The following TRPM6 variants were observed in gnomAD, a reference collection of about 807,000 sequenced individuals.
TRPM6 encodes transient receptor potential cation channel subfamily M member 6.
In TRPM6, 111 loss-of-function variants were observed where a neutral mutation model predicts 247.6. The ratio of observed to expected loss-of-function variants is 0.45; its 90% CI spans 0.38 to 0.52. The LOEUF is 0.52. Among genes scored for constraint, TRPM6 ranks in the 20% least tolerant of loss-of-function variants. The pLI is 0.00. For synonymous variants in TRPM6, 892 were observed against 853.8 expected, an observed-to-expected ratio of 1.04 and a Z score of -0.78; for missense variants, 2,126 against 2,421.5, an observed-to-expected ratio of 0.88 and a Z score of 2.56.
intron 7 of TRPM6, among the ~76,000 whole-genome samples, chr9:74,827,364 C>T (rs1185362126): frequency 2.6e-5 from 4 of 152,220 alleles, no homozygotes; most frequent in African/African-American, 7.2e-5. Flanking sequence ...CTTCTGGCTT[C>T]GGGTTCCCTA....
At chr9:74,773,980 T>G (rs969647139) in intron 24 of TRPM6, among the ~76,000 whole-genome samples, 5 of 152,230 alleles carry the variant, frequency 3.3e-5, no homozygotes, top group African/African-American at 1.2e-4. Flanking sequence ...TGTCATGATG[T>G]GAACCTTATG....
At chr9:74,790,479 G>C (rs572149715) in intron 19 of TRPM6, among the ~76,000 whole-genome samples, 208 of 152,194 alleles carry the variant, frequency 1.4e-3, no homozygotes, top group African/African-American at 4.8e-3. Context: ...CCATTTGTCT[G>C]TATATATTTT....
chr9:74,812,292 T>C lies in TRPM6; in HGVS notation c.1443+7A>G, dbSNP rs758078000. ...GGGAAATGATTGATGAAATGTTCCA[T>C]ACTCACTGTATTGTAGAGCTCTTCC... On this transcript the variant is annotated splice_region_variant and intron_variant, in intron 12 of 38. Transcript: ENST00000360774. 7 of 1,613,448 alleles carry C rather than the reference T, an allele frequency of 4.3e-6. No individual in the cohort carries two copies. The African/African-American group carries it at 5.3e-5, about 12-fold the overall frequency.
At chr9:74,775,028 A>G (rs1178549114) in intron 24 of TRPM6, among the ~76,000 whole-genome samples, 2 of 152,192 alleles carry the variant, frequency 1.3e-5, no homozygotes, top group African/African-American at 4.8e-5. Flanking sequence ...CCTGGTACCA[A>G]TTGTGGAACT....
chr9:74,849,337 G>A (rs904588211), intron 3 of TRPM6, among the ~76,000 whole-genome samples: 1 of 132,934 alleles, frequency 7.5e-6, no homozygotes, highest in Non-Finnish European at 1.6e-5. Flanking sequence ...GGAAATAAGA[G>A]TGAAACTTCA....
At chr9:74,767,423 C>A (rs916591457) in intron 25 of TRPM6, among the ~76,000 whole-genome samples, 2 of 152,098 alleles carry the variant, frequency 1.3e-5, no homozygotes, top group Non-Finnish European at 2.9e-5. Context: ...TTTCCACTGT[C>A]GCAACTCACT....
chr9:74,775,138 A>T (rs1199916626), intron 24 of TRPM6, among the ~76,000 whole-genome samples: 1 of 152,182 alleles, frequency 6.6e-6, no homozygotes, highest in Non-Finnish European at 1.5e-5. Context: ...GCTAAACAAG[A>T]TGAATTAGGA....
chr9:74,786,313 A>T (rs761840032), intron 20 of TRPM6, among the ~76,000 whole-genome samples, 188 bp from the exon 21 acceptor site: 7 of 152,268 alleles, frequency 4.6e-5, no homozygotes, highest in Non-Finnish European at 7.3e-5. Context: ...TGCTATACAG[A>T]TATAATTTAA....
chr9:74,724,227 G>A lies in TRPM6; in HGVS notation c.*386C>T, dbSNP rs934620997. On this transcript the variant is annotated 3_prime_UTR_variant, in exon 39 of 39. Transcript: ENST00000360774. Reference sequence around the variant, plus strand: ...TGGGTGAGGTGACAAATAGTAGTAGGGGGTCCAGTCTGCATACATAGTGAG... The same window carrying A: ...TGGGTGAGGTGACAAATAGTAGTAGAGGGTCCAGTCTGCATACATAGTGAG... 1.5e-5 allele frequency: 4 copies of A among 270,440 alleles called. No homozygotes were observed. Among genetic ancestry groups the A allele is most frequent in the South Asian group, 4.6e-5 (1 of 21,684 alleles). The allele number at this position is 270,440 out of a possible 1,614,324, so 16.8% of individuals were successfully genotyped here.
chr9:74,878,448 C>T (rs73536162), intron 1 of TRPM6, among the ~76,000 whole-genome samples: 1 of 152,192 alleles, frequency 6.6e-6, no homozygotes, highest in Non-Finnish European at 1.5e-5. Flanking sequence ...CCATCCCCAG[C>T]AAAACCTCAC....
rs183748219 is a variant in TRPM6, at chr9:74,786,731, C to T, written c.2668-606G>A. Reference sequence around the variant, plus strand: ...CTCCAGCCTGGGTGACAGAGCGAGGCTCTGTCTCAAAATAAATAAACAAAT... The same window carrying T: ...CTCCAGCCTGGGTGACAGAGCGAGGTTCTGTCTCAAAATAAATAAACAAAT... On this transcript the variant is annotated intron_variant, in intron 20 of 38. Coordinates refer to ENST00000360774, the MANE Select transcript of TRPM6 (RefSeq NM_017662.5). 2.6e-5 allele frequency among the ~76,000 whole-genome samples: 4 copies of T among 152,228 alleles called. No individual in the cohort carries two copies. The East Asian group carries it at 7.7e-4, about 29-fold the overall frequency.
intron 1 of TRPM6, among the ~76,000 whole-genome samples, chr9:74,883,973 A>C (rs1251129933): frequency 6.6e-6 from 1 of 152,142 alleles, no homozygotes; most frequent in Non-Finnish European, 1.5e-5. Context: ...AACATGGAGA[A>C]ACCCTGTCTC....
chr9:74,761,107 A>G (rs1359922300), intron 27 of TRPM6, among the ~76,000 whole-genome samples: 1 of 152,186 alleles, frequency 6.6e-6, no homozygotes, highest in Non-Finnish European at 1.5e-5. Context: ...GCAACACAAA[A>G]CAAACTAAGA....
chr9:74,790,006 A>ATGTGTGTGTGTGTGTG (rs71912381), intron 19 of TRPM6, among the ~76,000 whole-genome samples: 111 of 132,826 alleles, frequency 8.4e-4, no homozygotes, highest in African/African-American at 2.6e-3. Flanking sequence ...TGAGAGAAAA[A>ATGTGTGTGTGTGTGTG]TGTGTGTGTG....
At chr9:74,850,097 C>T (rs1017420256) in intron 3 of TRPM6, among the ~76,000 whole-genome samples, 1 of 152,216 alleles carries the variant, frequency 6.6e-6, no homozygotes, top group African/African-American at 2.4e-5. Context: ...CAGGGCTGGG[C>T]GCAGTGGCTC....
At chr9:74,824,236 T>G (rs1023535284) in intron 7 of TRPM6, among the ~76,000 whole-genome samples, 3 of 151,802 alleles carry the variant, frequency 2.0e-5, no homozygotes, top group Non-Finnish European at 2.9e-5. Flanking sequence ...CTGCAACCTC[T>G]GCCTCCTGGG....
At chr9:74,854,996 A>G (rs1830479982) in intron 3 of TRPM6, among the ~76,000 whole-genome samples, 1 of 152,216 alleles carries the variant, frequency 6.6e-6, no homozygotes, top group Non-Finnish European at 1.5e-5. Flanking sequence ...TTTTTTTCCA[A>G]GAATAAATTT....
chr9:74,853,030 C>G (rs910242156), intron 3 of TRPM6, among the ~76,000 whole-genome samples: 2 of 151,474 alleles, frequency 1.3e-5, no homozygotes, highest in Admixed American at 6.6e-5. Context: ...GGCCCCCCGT[C>G]GTCTGAGATG....
At chr9:74,837,799 G>T (rs1371991367) in intron 5 of TRPM6, among the ~76,000 whole-genome samples, 1 of 150,112 alleles carries the variant, frequency 6.7e-6, no homozygotes, top group Non-Finnish European at 1.5e-5. Flanking sequence ...CACCCAGGCT[G>T]GGTAGAGTGA....
Sources: gnomAD v4.1 joint callset for allele counts (sites outside exome capture counted in the v4.1 genomes callset) on GRCh38, gnomAD v4.1.1 for gene constraint, MANE v1.5 for transcripts, NCBI Gene and HGNC (gene_info 2026-07-23, HGNC 2026-07-21) for gene names.